ANKRD28: variants seen among roughly 807,000 people sequenced by gnomAD.
ANKRD28 encodes ankyrin repeat domain 28, also known as serine/threonine-protein phosphatase 6 regulatory ankyrin repeat subunit A.
A neutral mutation model predicts 126.5 loss-of-function variants in ANKRD28; 44 were observed. The observed-to-expected ratio is 0.35, with a 90% CI of 0.27 to 0.45. The LOEUF is 0.45. ANKRD28 is among the 20% of genes least tolerant of loss of function. ANKRD28 has a pLI of 1.00. For synonymous variants in ANKRD28, 442 were observed against 468.5 expected, an observed-to-expected ratio of 0.94 and a Z score of 0.73; for missense variants, 1,110 against 1,316.6, an observed-to-expected ratio of 0.84 and a Z score of 2.43.
chr3:15,820,494 T>C (rs1481928315), intron 1 of ANKRD28, among the ~76,000 whole-genome samples: 5 of 152,252 alleles, frequency 3.3e-5, no homozygotes, highest in Middle Eastern at 3.4e-3. Flanking sequence ...AATAAATACA[T>C]TCATTTTTTA....
rs1477998544 is a variant in ANKRD28 at position 15,768,801 on chromosome 3, A to G, written c.202-2489T>C. 3.3e-5 allele frequency among the ~76,000 whole-genome samples: 5 copies of G among 152,366 alleles called. No individual in the cohort carries two copies. The South Asian group carries it at 6.2e-4, about 19-fold the overall frequency. ...AGTAAAGGGAGGTTGATATAGTGCC[A>G]ATAATGTTAAATTGTTCAGTAAGCT... On this transcript the variant is annotated intron_variant, in intron 2 of 27. Coordinates refer to ENST00000683139, the MANE Select transcript of ANKRD28 (RefSeq NM_001349278.2).
At chr3:15,772,062 T>C (rs1213041996) in intron 2 of ANKRD28, among the ~76,000 whole-genome samples, 3 of 151,990 alleles carry the variant, frequency 2.0e-5, no homozygotes, top group Non-Finnish European at 4.4e-5. Flanking sequence ...ACATTAAAAT[T>C]TGGGGGATAA....
chr3:15,698,673 C>G (rs1235958524), intron 14 of ANKRD28, among the ~76,000 whole-genome samples: 1 of 152,114 alleles, frequency 6.6e-6, no homozygotes, highest in South Asian at 2.1e-4. Context: ...CCTAGGAATC[C>G]AACTTACAGG....
chr3:15,714,562 CAG>C lies in ANKRD28; in HGVS notation c.1075+14_1075+15del, dbSNP rs758315519. 68 of 1,129,678 alleles carry C rather than the reference CAG, an allele frequency of 6.0e-5. No individual in the cohort carries two copies. Among genetic ancestry groups the C allele is most frequent in the Admixed American group, 6.9e-5 (2 of 29,088 alleles). 70.0% of individuals were successfully genotyped at this position (1,129,678 alleles called of 1,614,324 possible). On this transcript the variant is annotated intron_variant, in intron 9 of 27. Transcript: ENST00000683139. ...AAAAAAAAAAACCCCAAAAAAAAAA[CAG>C]AAATACTTTTTACCACTCTGGATAA...
chr3:15,832,331 A>G (rs552210886), intron 1 of ANKRD28, among the ~76,000 whole-genome samples: 1 of 152,334 alleles, frequency 6.6e-6, no homozygotes, highest in South Asian at 2.1e-4. Context: ...TTACATACCT[A>G]CATTTAAAAT....
chr3:15,826,770 T>C (rs2125923568), intron 1 of ANKRD28, among the ~76,000 whole-genome samples: 1 of 152,236 alleles, frequency 6.6e-6, no homozygotes, highest in East Asian at 1.9e-4. Context: ...GCGGCAAAAT[T>C]GGAGAAGAGT....
At position 15,838,592 on chromosome 3, in the gene ANKRD28, A is replaced by G. The variant is rs1246809019; in HGVS notation, c.27+20785T>C. Among the ~76,000 whole-genome samples, 1 of 152,004 alleles carries G rather than the reference A, an allele frequency of 6.6e-6. No individual in the cohort carries two copies. Among genetic ancestry groups the G allele is most frequent in the Non-Finnish European group, 1.5e-5 (1 of 68,000 alleles). The stretch of plus-strand genomic sequence containing the variant: ...GAAACCCCATTTCTACTAAAAATAC[A>G]AAAAACTTAGTCGGGCATGGTGGCA... On this transcript the variant is annotated intron_variant, in intron 1 of 27. Transcript: ENST00000399451. The surrounding 1 kb of genome is among the most constrained non-coding windows in gnomAD (Gnocchi z 4.0).
At chr3:15,773,140 A>C (rs1031408472) in intron 2 of ANKRD28, among the ~76,000 whole-genome samples, 5 of 152,120 alleles carry the variant, frequency 3.3e-5, no homozygotes, top group African/African-American at 1.2e-4. Context: ...GAATCTAAAA[A>C]AAAAAAAAAT....
At chr3:15,726,134 A>C (rs1431693267) in intron 6 of ANKRD28, among the ~76,000 whole-genome samples, 1 of 152,150 alleles carries the variant, frequency 6.6e-6, no homozygotes, top group Non-Finnish European at 1.5e-5. Flanking sequence ...TCACTCAGAC[A>C]CAACAGTATT....
intron 8 of ANKRD28, among the ~76,000 whole-genome samples, chr3:15,716,394 T>C (rs2062824): frequency 0.47 from 71,222 of 151,122 alleles, 19,673 homozygotes; most frequent in Non-Finnish European, 0.6. Context: ...AGGGTTCAAG[T>C]GATCTTCTAA....
At chr3:15,713,153 G>C (rs980820661) in intron 10 of ANKRD28, among the ~76,000 whole-genome samples, 1 of 152,116 alleles carries the variant, frequency 6.6e-6, no homozygotes, top group Admixed American at 6.5e-5. Context: ...GCACAGCACA[G>C]CCTGAAAAGT....
chr3:15,836,732 A>AT (rs1365229189), intron 1 of ANKRD28, among the ~76,000 whole-genome samples: 5 of 152,250 alleles, frequency 3.3e-5, no homozygotes, highest in South Asian at 2.1e-4. Flanking sequence ...AAAGAGGAAC[A>AT]TTTTTTTAAC....
At chr3:15,789,625 T>C (rs1403614222) in intron 2 of ANKRD28, among the ~76,000 whole-genome samples, 1 of 151,976 alleles carries the variant, frequency 6.6e-6, no homozygotes, top group Non-Finnish European at 1.5e-5. Flanking sequence ...TACCATGCTC[T>C]AGATTAAATT....
intron 14 of ANKRD28, among the ~76,000 whole-genome samples, chr3:15,698,940 C>T (rs1256390838): frequency 1.3e-5 from 2 of 152,186 alleles, no homozygotes; most frequent in East Asian, 3.8e-4. Flanking sequence ...CAAGACAATC[C>T]TAAGCCAAAA....
Position 15,677,500 on chromosome 3 carries a change from G to T in ANKRD28, c.2770C>A (p.Leu924Ile). The T allele has an allele frequency of 6.2e-7, 1 of 1,612,224 alleles. No homozygotes were observed. Among genetic ancestry groups the T allele is most frequent in the African/African-American group, 1.3e-5 (1 of 74,998 alleles). The change falls in exon 25 of 28, where the codon CTC becomes ATC. Residue 924 changes from leucine (L) to isoleucine (I), a missense_variant. Coordinates refer to ENST00000683139, the MANE Select transcript of ANKRD28 (RefSeq NM_001349278.2). ...TLQDNSKNTA[L>I]HLACSKGHET... ...CATACCTTGCTACAAGCCAAATGGAGGGCAGTATTTTTACTGTTATCTTGT... is the reference window on the plus strand; with the variant it reads ...CATACCTTGCTACAAGCCAAATGGATGGCAGTATTTTTACTGTTATCTTGT...
intron 4 of ANKRD28, among the ~76,000 whole-genome samples, chr3:15,740,215 C>T (rs2075351131): frequency 6.6e-6 from 1 of 152,118 alleles, no homozygotes; most frequent in African/African-American, 2.4e-5. Context: ...ACAGTGGTTG[C>T]CTCTGGGGAC....
chr3:15,679,636 G>A, intron 21 of ANKRD28, 73 bp from the exon 22 acceptor site: 2 of 1,174,964 alleles, frequency 1.7e-6, no homozygotes, highest in Non-Finnish European at 2.5e-6. Context: ...ACATGTAAGT[G>A]TTTAAAGGAA....
At chr3:15,723,397 A>G (rs1047090274) in intron 7 of ANKRD28, among the ~76,000 whole-genome samples, 6 of 152,230 alleles carry the variant, frequency 3.9e-5, no homozygotes, top group Admixed American at 1.3e-4. Context: ...CTTATGCTAC[A>G]TCTTCTAATT....
At chr3:15,674,192 A>AG in intron 27 of ANKRD28, among the ~76,000 whole-genome samples, 1 of 150,266 alleles carries the variant, frequency 6.7e-6, no homozygotes, top group South Asian at 2.1e-4. Context: ...AAAAAAAAAA[A>AG]AAAAAAGAAG....
Sources: gnomAD v4.1 joint callset for allele counts (sites outside exome capture counted in the v4.1 genomes callset) on GRCh38, gnomAD v4.1.1 for gene constraint, Gnocchi (gnomAD v3.1) non-coding constraint, MANE v1.5 for transcripts, NCBI Gene and HGNC (gene_info 2026-07-23, HGNC 2026-07-21) for gene names.